Variants in ATF7IP2 observed in about 807,000 individuals in gnomAD.
ATF7IP2 encodes activating transcription factor 7 interacting protein 2.
In ATF7IP2, 42 loss-of-function variants were observed where a neutral mutation model predicts 64.2. The observed-to-expected ratio is 0.65, with a 90% CI of 0.51 to 0.85. The LOEUF (loss-of-function observed/expected upper bound fraction) is 0.85, where lower values mean the gene tolerates loss of function less well. Among genes scored for constraint, ATF7IP2 ranks in the 40% least tolerant of loss-of-function variants. The probability of loss-of-function intolerance (pLI) is 0.00; values close to 1 mark genes in which losing one functional copy is unlikely to be tolerated. For synonymous variants in ATF7IP2, 308 were observed against 272.8 expected, an observed-to-expected ratio of 1.13 and a Z score of -1.27; for missense variants, 933 against 784.2, an observed-to-expected ratio of 1.19 and a Z score of -2.27.
intron 8 of ATF7IP2, among the ~76,000 whole-genome samples, chr16:10,442,103 A>T (rs1410231727): frequency 2.0e-5 from 3 of 152,234 alleles, no homozygotes; most frequent in Non-Finnish European, 4.4e-5. Flanking sequence ...GAATAGGATA[A>T]AGAACCAGGA....
intron 8 of ATF7IP2, chr16:10,447,091 T>C (rs2048833217): frequency 6.6e-6 from 1 of 152,088 alleles, no homozygotes; most frequent in African/African-American, 2.4e-5. Context: ...GCCATATGAG[T>C]TGACCACGGA....
chr16:10,456,203 AAG>A (rs144509963), intron 8 of ATF7IP2, among the ~76,000 whole-genome samples: 2,421 of 152,272 alleles, frequency 0.016, 72 homozygotes, highest in East Asian at 0.13. Flanking sequence ...GAGAAAAAAA[AAG>A]AGAAAAATTG....
intron 4 of ATF7IP2, 87 bp from the exon 5 acceptor site, chr16:10,430,524 A>G (rs1415644024): frequency 2.7e-6 from 2 of 735,484 alleles, no homozygotes; most frequent in Non-Finnish European, 2.2e-6. Context: ...TGTTATTTTA[A>G]TATTGTAAAT....
intron 6 of ATF7IP2, among the ~76,000 whole-genome samples, chr16:10,436,391 C>A (rs1596505744): frequency 6.7e-6 from 1 of 149,754 alleles, no homozygotes. Context: ...GTTACTGAGC[C>A]TTTTTTTTTT....
At chr16:10,435,616 A>T (rs1370128581) in intron 6 of ATF7IP2, among the ~76,000 whole-genome samples, 1 of 152,250 alleles carries the variant, frequency 6.6e-6, no homozygotes, top group African/African-American at 2.4e-5. Flanking sequence ...CATGGTGGGT[A>T]CTTAGTCAAA....
intron 8 of ATF7IP2, among the ~76,000 whole-genome samples, chr16:10,455,168 C>G (rs1028740295): frequency 6.6e-6 from 1 of 152,124 alleles, no homozygotes; most frequent in Non-Finnish European, 1.5e-5. Flanking sequence ...GAATATGTTA[C>G]CTTACATGGT....
rs760500745 is a variant in ATF7IP2, at chr16:10,480,869, T to A, written c.1550-10T>A. On this transcript the variant is annotated splice_polypyrimidine_tract_variant and intron_variant, in intron 12 of 13. Coordinates refer to ENST00000562102, the MANE Select transcript of ATF7IP2 (RefSeq NM_001393719.1). Reference sequence around the variant, plus strand: ...TAAGATTTACTTCTTAAACCTTGTGTTGTTCACAGAAAGTCCAGTATCCCC... The same window carrying A: ...TAAGATTTACTTCTTAAACCTTGTGATGTTCACAGAAAGTCCAGTATCCCC... The A allele has an allele frequency of 6.3e-7, 1 of 1,582,958 alleles. No homozygotes were observed. The highest frequency in any genetic ancestry group is 1.1e-5 in the South Asian group (1 of 90,354).
intron 9 of ATF7IP2, among the ~76,000 whole-genome samples, chr16:10,466,963 GT>G (rs558511665): frequency 8.9e-5 from 13 of 146,264 alleles, no homozygotes; most frequent in Admixed American, 6.8e-5. Context: ...TCAGTCTCTG[GT>G]TTTTTTTTTG....
chr16:10,408,889 G>T (rs1268656290), intron 1 of ATF7IP2, among the ~76,000 whole-genome samples: 1 of 152,092 alleles, frequency 6.6e-6, no homozygotes, highest in Non-Finnish European at 1.5e-5. Context: ...TTTGCTTTTG[G>T]GTTTTTGGTC....
At chr16:10,437,083 G>T (rs1159717346) in intron 6 of ATF7IP2, among the ~76,000 whole-genome samples, 1 of 150,578 alleles carries the variant, frequency 6.6e-6, no homozygotes, top group Non-Finnish European at 1.5e-5. Context: ...GTACAGTGGT[G>T]TGATCTCGGC....
chr16:10,451,035 G>A (rs1469485422), intron 8 of ATF7IP2, among the ~76,000 whole-genome samples: 1 of 152,174 alleles, frequency 6.6e-6, no homozygotes, highest in Non-Finnish European at 1.5e-5. Context: ...CTCAGCATTG[G>A]CTTGTCTGTA....
In ATF7IP2 at chr16:10,437,992, T is replaced by G. The variant is rs927913800; in HGVS notation, c.961-109T>G. ...ACATACAAATATAAATAAACTATAT[T>G]TAATTGGTTACAGTAAATCTGGAAA... On this transcript the variant is annotated intron_variant, in intron 6 of 13. Coordinates refer to ENST00000562102, the MANE Select transcript of ATF7IP2 (RefSeq NM_001393719.1). 3 of 777,224 alleles carry G rather than the reference T, an allele frequency of 3.9e-6. No homozygotes were observed. The African/African-American group carries it at 5.5e-5, about 14-fold the overall frequency. 48.1% of individuals were successfully genotyped at this position (777,224 alleles called of 1,614,324 possible). A position where few individuals can be genotyped will look rare whatever the true frequency, so the allele number is the denominator to read the frequency against.
intron 8 of ATF7IP2, chr16:10,448,001 T>C (rs1347519770): frequency 2.0e-5 from 3 of 152,246 alleles, no homozygotes; most frequent in African/African-American, 7.2e-5. Flanking sequence ...GCTAACCAGG[T>C]TTCCCAACAC....
intron 9 of ATF7IP2, among the ~76,000 whole-genome samples, chr16:10,458,238 G>A (rs2049249409): frequency 1.3e-5 from 2 of 152,110 alleles, no homozygotes; most frequent in Admixed American, 1.3e-4. Flanking sequence ...GTAATATTGG[G>A]CCCACATTTT....
chr16:10,481,741 A>AT, intron 13 of ATF7IP2, 95 bp from the exon 14 acceptor site: 1 of 1,093,844 alleles, frequency 9.1e-7, no homozygotes, highest in Non-Finnish European at 1.3e-6. Flanking sequence ...TCCTTTTATT[A>AT]TTTTGATAAA....
chr16:10,391,543 T>C (rs912923351), intron 1 of ATF7IP2, among the ~76,000 whole-genome samples: 5 of 152,210 alleles, frequency 3.3e-5, no homozygotes, highest in African/African-American at 1.2e-4. Flanking sequence ...TTGTTGACTT[T>C]GACAATCTTG....
intron 11 of ATF7IP2, 32 bp from the exon 12 acceptor site, chr16:10,473,891 A>C: frequency 1.0e-6 from 1 of 981,802 alleles, no homozygotes; most frequent in Non-Finnish European, 1.4e-6. Flanking sequence ...TATTGAGGCA[A>C]AGCTTTTTTT....
chr16:10,386,655 C>G (rs1399567263), intron 1 of ATF7IP2: 4 of 152,096 alleles, frequency 2.6e-5, no homozygotes, highest in Non-Finnish European at 5.9e-5. Flanking sequence ...AGGAAAAATA[C>G]AAAATTCTGA....
chr16:10,448,766 T>G (rs1596543889), intron 8 of ATF7IP2: 2 of 152,336 alleles, frequency 1.3e-5, no homozygotes, highest in Admixed American at 1.3e-4. Context: ...AGAGACAATT[T>G]GACTTCCTCT....
Sources: gnomAD v4.1 joint callset for allele counts (sites outside exome capture counted in the v4.1 genomes callset) on GRCh38, gnomAD v4.1.1 for gene constraint, MANE v1.5 for transcripts, NCBI Gene and HGNC (gene_info 2026-07-23, HGNC 2026-07-21) for gene names.